The following ZNF704 variants were observed in gnomAD, a reference collection of about 807,000 sequenced individuals.
ZNF704 encodes the protein glucocorticoid induced gene 1.
Under a neutral mutation model 44.7 loss-of-function variants are expected in ZNF704, and 10 were observed. That is an observed-to-expected ratio of 0.22 (90% CI 0.14 to 0.38). ZNF704 has a LOEUF of 0.38. ZNF704 is among the 10% of genes least tolerant of loss of function. The pLI is 1.00. For missense variants in ZNF704, 390 were observed against 545.5 expected, an observed-to-expected ratio of 0.71 and a Z score of 2.84; for synonymous variants, 211 against 207.6, an observed-to-expected ratio of 1.02 and a Z score of -0.14.
At chr8:80,677,974 G>C (rs1432253603) in intron 4 of ZNF704, among the ~76,000 whole-genome samples, 1 of 152,152 alleles carries the variant, frequency 6.6e-6, no homozygotes, top group Non-Finnish European at 1.5e-5. Context: ...GGACATCCAT[G>C]GTGATGCCCT....
intron 2 of ZNF704, among the ~76,000 whole-genome samples, chr8:80,734,536 AAAGG>A (rs1354785029): frequency 6.6e-6 from 1 of 152,140 alleles, no homozygotes; most frequent in African/African-American, 2.4e-5. Flanking sequence ...TTTTCATTAG[AAAGG>A]AAGGAAACAA....
chr8:80,673,974 C>T (rs2131618558), intron 4 of ZNF704, among the ~76,000 whole-genome samples: 1 of 152,368 alleles, frequency 6.6e-6, no homozygotes, highest in South Asian at 2.1e-4. Context: ...CCTGGGCACA[C>T]ACACCCAGCT....
chr8:80,751,940 C>T (rs1295608129), intron 2 of ZNF704, among the ~76,000 whole-genome samples: 1 of 152,148 alleles, frequency 6.6e-6, no homozygotes, highest in African/African-American at 2.4e-5. Context: ...AATGGGGTTT[C>T]ACCATGTTGG....
chr8:80,863,006 G>A (rs920602286), intron 1 of ZNF704, among the ~76,000 whole-genome samples: 4 of 151,312 alleles, frequency 2.6e-5, no homozygotes, highest in African/African-American at 9.7e-5. Flanking sequence ...TACAGTGTTT[G>A]TTCAGTGTTT....
At position 80,797,871 on chromosome 8, in the gene ZNF704, G is replaced by T. The variant is rs150944690; in HGVS notation, c.221+23503C>A. Among the ~76,000 whole-genome samples, 1,210 of 152,142 alleles carry T rather than the reference G, an allele frequency of 8.0e-3. 6 individuals are homozygous for T. Among genetic ancestry groups the T allele is most frequent in the Non-Finnish European group, 0.012 (845 of 67,998 alleles). On this transcript the variant is annotated intron_variant, in intron 2 of 8. Transcript: ENST00000327835. The stretch of plus-strand genomic sequence containing the variant: ...GTTTTTTCACTCTTTACATGGCCAG[G>T]CTAAGAGTTTTCCAAATCCTTCTGC...
At chr8:80,658,990 A>C (rs1234986385) in intron 7 of ZNF704, among the ~76,000 whole-genome samples, 1 of 152,238 alleles carries the variant, frequency 6.6e-6, no homozygotes, top group African/African-American at 2.4e-5. Flanking sequence ...ATATTTTTTA[A>C]ATGAATGGTT....
chr8:80,811,204 T>C (rs1332859962), intron 2 of ZNF704, among the ~76,000 whole-genome samples: 2 of 152,164 alleles, frequency 1.3e-5, no homozygotes, highest in African/African-American at 2.4e-5. Flanking sequence ...ATTTTTAAGA[T>C]TGAGCATGCA....
chr8:80,884,366 T>G, the ZNF704 span, among the ~76,000 whole-genome samples: 4 of 152,140 alleles, frequency 2.6e-5, no homozygotes, highest in Non-Finnish European at 5.9e-5. Context: ...GAGCTGCTTG[T>G]CCCACCACCT....
intron 2 of ZNF704, among the ~76,000 whole-genome samples, chr8:80,700,056 G>A (rs543949031): frequency 6.6e-6 from 1 of 152,218 alleles, no homozygotes; most frequent in East Asian, 1.9e-4. Context: ...AAAGCTCCTG[G>A]TTCTTTGAGG....
chr8:80,646,931 T>C (rs1360398650), intron 7 of ZNF704, among the ~76,000 whole-genome samples: 3 of 152,234 alleles, frequency 2.0e-5, no homozygotes, highest in Admixed American at 1.3e-4. Context: ...TTGGTTGACA[T>C]GACAGTAACA....
chr8:80,834,160 C>T (rs1808518923), intron 1 of ZNF704, among the ~76,000 whole-genome samples: 1 of 151,950 alleles, frequency 6.6e-6, no homozygotes, highest in African/African-American at 2.4e-5. Context: ...TGCCACTGCA[C>T]TCCAGCTGGG....
intron 1 of ZNF704, among the ~76,000 whole-genome samples, chr8:80,851,034 T>C (rs1463488018): frequency 6.6e-6 from 1 of 152,198 alleles, no homozygotes; most frequent in Non-Finnish European, 1.5e-5. Context: ...GACTAGAAGG[T>C]AGGGCTTACT....
At chr8:80,781,312 T>C (rs916108638) in intron 2 of ZNF704, among the ~76,000 whole-genome samples, 7 of 152,194 alleles carry the variant, frequency 4.6e-5, no homozygotes, top group Non-Finnish European at 8.8e-5. Context: ...TTGTGGGTCA[T>C]ATAGTCTCTG....
intron 2 of ZNF704, among the ~76,000 whole-genome samples, chr8:80,768,906 T>C (rs1004595906): frequency 2.0e-5 from 3 of 152,174 alleles, no homozygotes; most frequent in African/African-American, 7.2e-5. Flanking sequence ...GTTTCATCCA[T>C]TCATCCAGCC....
chr8:80,845,547 G>A (rs771679589), intron 1 of ZNF704, among the ~76,000 whole-genome samples: 2 of 152,190 alleles, frequency 1.3e-5, no homozygotes, highest in Admixed American at 1.3e-4. Flanking sequence ...TGAGGATTTG[G>A]AAGGTCTTTC....
chr8:80,701,170 A>G (rs1469627724), intron 2 of ZNF704, among the ~76,000 whole-genome samples: 1 of 149,466 alleles, frequency 6.7e-6, no homozygotes, highest in Non-Finnish European at 1.5e-5. Flanking sequence ...TTTACTGTCC[A>G]CCTCAGGGCA....
chr8:80,799,342 T>C (rs1304411524), intron 2 of ZNF704, among the ~76,000 whole-genome samples: 1 of 152,216 alleles, frequency 6.6e-6, no homozygotes, highest in East Asian at 1.9e-4. Flanking sequence ...GAATTTCTCT[T>C]TTAATTTTTA....
intron 2 of ZNF704, among the ~76,000 whole-genome samples, chr8:80,732,038 G>A (rs1806590693): frequency 6.6e-6 from 1 of 152,132 alleles, no homozygotes. Flanking sequence ...AATTATATGT[G>A]CACATAGTAT....
chr8:80,788,066 T>C (rs902253498), intron 2 of ZNF704, among the ~76,000 whole-genome samples: 7 of 152,202 alleles, frequency 4.6e-5, no homozygotes, highest in African/African-American at 1.7e-4. Context: ...ACATATTTTA[T>C]TTTTATTAAT....
Sources: gnomAD v4.1 joint callset for allele counts (sites outside exome capture counted in the v4.1 genomes callset) on GRCh38, gnomAD v4.1.1 for gene constraint, MANE v1.5 for transcripts, NCBI Gene and HGNC (gene_info 2026-07-23, HGNC 2026-07-21) for gene names.